PKHD1: variants seen among roughly 807,000 people sequenced by gnomAD.
The protein encoded by PKHD1 is PKHD1 ciliary IPT domain containing fibrocystin/polyductin, also known as fibrocystin.
PKHD1 carries 291 observed loss-of-function variants against 412.0 expected under a neutral mutation model. The ratio of observed to expected loss-of-function variants is 0.71; its 90% CI spans 0.64 to 0.78. The LOEUF is 0.78. Ranked by LOEUF, PKHD1 falls within the 30% of genes least tolerant of loss-of-function variation. The pLI is 0.00. For missense variants in PKHD1, 4,825 were observed against 4,950.7 expected (o/e 0.97, Z 0.76); for synonymous variants, 1,777 against 1,821.5 (o/e 0.98, Z 0.62).
chr6:51,922,035 T>C (rs1410171444), intron 37 of PKHD1, among the ~76,000 whole-genome samples: 2 of 152,230 alleles, frequency 1.3e-5, no homozygotes, highest in Admixed American at 1.3e-4. Context: ...TTTTCAGCTT[T>C]TCTGCTCTGG....
At chr6:51,918,544 A>T (rs547325987) in intron 37 of PKHD1, among the ~76,000 whole-genome samples, 148 of 152,318 alleles carry the variant, frequency 9.7e-4, no homozygotes, top group Non-Finnish European at 1.5e-3. Flanking sequence ...TTATGGCTGC[A>T]TAGTATTCCA....
chr6:51,751,979 A>G (rs1582462631), intron 57 of PKHD1, among the ~76,000 whole-genome samples: 2 of 152,160 alleles, frequency 1.3e-5, no homozygotes, highest in South Asian at 2.1e-4. Context: ...GAAGTTTAGG[A>G]TCAGGTCAGT....
intron 53 of PKHD1, among the ~76,000 whole-genome samples, chr6:51,784,344 G>T (rs1183968078): frequency 6.6e-6 from 1 of 152,168 alleles, no homozygotes; most frequent in East Asian, 1.9e-4. Flanking sequence ...ACAGCCATTT[G>T]TCCTGGTCCT....
At position 52,035,635 on chromosome 6, in the gene PKHD1, C is replaced by T. The variant is rs781516934; in HGVS notation, c.3184G>A (p.Ala1062Thr). ...TGAATTCTGCTTGAATTGCTTGTAG[C>T]GACATTGATGGCACACGAGTAAGAT... ...FGSYSCAINV[A>T]TSNSSRIQCK... Residue 1062 changes from alanine (A) to threonine (T), a missense_variant, in exon 28 of 67, where the codon GCT becomes ACT. Physicochemically the swap from Ala to Thr is moderately conservative, Grantham distance 58. Coordinates refer to ENST00000371117, the MANE Select transcript of PKHD1 (RefSeq NM_138694.4). 55 of 1,613,682 alleles carry T rather than the reference C, an allele frequency of 3.4e-5. No individual in the cohort carries two copies. The highest frequency in any genetic ancestry group is 8.3e-5 in the Admixed American group (5 of 59,974).
chr6:51,841,419 C>T (rs771461305), intron 50 of PKHD1, among the ~76,000 whole-genome samples: 1 of 152,104 alleles, frequency 6.6e-6, no homozygotes, highest in Non-Finnish European at 1.5e-5. Flanking sequence ...TCCTTTCCTT[C>T]CTTTTCTCCT....
In PKHD1 at chr6:51,747,811, T is replaced by C; in HGVS notation, c.9805A>G (p.Ile3269Val). Residue 3269 changes from isoleucine (I) to valine (V), a missense_variant, in exon 58 of 67, where the codon ATT becomes GTT. By Grantham distance (29) the Ile-to-Val change is conservative. Transcript: ENST00000371117. ...CCTTGAAGTTTCATGATTCCTGAAA[T>C]TGAATGATCATTCCTCACTTTGTGC... is the stretch of plus-strand genomic sequence containing the variant. ...PWHKVRNDHS[I>V]SGIMKLQDVT... is the part of the protein sequence containing the mutation. 1 of 1,613,908 alleles carries C rather than the reference T, an allele frequency of 6.2e-7. No homozygotes were observed.
At chr6:51,705,239 G>A (rs1779882056) in intron 60 of PKHD1, among the ~76,000 whole-genome samples, 1 of 152,028 alleles carries the variant, frequency 6.6e-6, no homozygotes, top group Admixed American at 6.6e-5. Context: ...AGGAGGATGG[G>A]ATTTTAAGAA....
In PKHD1 at chr6:51,867,994, T is replaced by A; in HGVS notation, c.7602A>T (p.Lys2534Asn). The change falls in exon 48 of 67, where the codon AAA (lysine) becomes AAT (asparagine). Residue 2534 changes from lysine to asparagine, a missense_variant. Transcript: ENST00000371117. ...LEDLDGSLSG[K>N]NRSHILASME... is the part of the protein sequence containing the mutation. ...TAGAAGCAAGAATGTGACTTCTGTTTTTCCCAGACAGAGACCCATCCAAGT... is the reference window on the plus strand; with the variant it reads ...TAGAAGCAAGAATGTGACTTCTGTTATTCCCAGACAGAGACCCATCCAAGT... 1 of 1,613,496 alleles carries A rather than the reference T, an allele frequency of 6.2e-7. No individual in the cohort carries two copies. Among genetic ancestry groups the A allele is most frequent in the Non-Finnish European group, 8.5e-7 (1 of 1,179,486 alleles).
At chr6:51,994,259 C>T (rs1379909051) in intron 35 of PKHD1, among the ~76,000 whole-genome samples, 1 of 152,064 alleles carries the variant, frequency 6.6e-6, no homozygotes, top group Non-Finnish European at 1.5e-5. Flanking sequence ...CTCAGCCTCC[C>T]GGGTAGCTGG....
intron 55 of PKHD1, among the ~76,000 whole-genome samples, chr6:51,763,584 C>G (rs1173836801): frequency 1.3e-5 from 2 of 152,114 alleles, no homozygotes; most frequent in Non-Finnish European, 2.9e-5. Context: ...ACTTTAAATT[C>G]AACATGACCT....
rs1254909885 is a variant in PKHD1 at position 51,912,381 on chromosome 6, A to C, written c.6317T>G (p.Leu2106Arg). The C allele has an allele frequency of 8.1e-6, 13 of 1,610,230 alleles. No homozygotes were observed. The highest frequency in any genetic ancestry group is 1.0e-5 in the Non-Finnish European group (12 of 1,176,660). Residue 2106 changes from leucine to arginine, a missense_variant, in exon 38 of 67, where the codon CTT (leucine) becomes CGT (arginine). Coordinates refer to ENST00000371117, the MANE Select transcript of PKHD1 (RefSeq NM_138694.4). The stretch of plus-strand genomic sequence containing the variant: ...CACTCAGTACCTCAAAGGTGACTTA[A>C]GATAGAGGTCTGTATCCTGCACAGT... ...VETVQDTDLYLKSPLRYSHNF... is the reference protein window; with the variant it reads ...VETVQDTDLYRKSPLRYSHNF...
chr6:51,925,672 G>A (rs1347329063), intron 37 of PKHD1, among the ~76,000 whole-genome samples: 5 of 152,106 alleles, frequency 3.3e-5, no homozygotes, highest in Non-Finnish European at 4.4e-5. Flanking sequence ...GGTTCTTCTT[G>A]GATATCCAGC....
intron 3 of PKHD1, 148 bp downstream of exon 3, chr6:52,083,030 G>A (rs1216133082): frequency 2.9e-6 from 2 of 685,828 alleles, no homozygotes; most frequent in South Asian, 1.6e-5. Context: ...CCAGTATCTA[G>A]AAAGACAGAA....
At chr6:51,725,280 T>C (rs1326610) in intron 60 of PKHD1, among the ~76,000 whole-genome samples, 31,235 of 152,196 alleles carry the variant, frequency 0.21, 4,214 homozygotes, top group Non-Finnish European at 0.31. Flanking sequence ...TGGATCTTTT[T>C]TAAACAGGAC....
chr6:52,016,256 C>A (rs1032089862), intron 34 of PKHD1, among the ~76,000 whole-genome samples: 3 of 152,184 alleles, frequency 2.0e-5, no homozygotes, highest in Non-Finnish European at 4.4e-5. Context: ...CACAAACTGT[C>A]TCAGGACATC....
chr6:51,642,722 C>T (rs1769532461), intron 63 of PKHD1, among the ~76,000 whole-genome samples: 1 of 152,182 alleles, frequency 6.6e-6, no homozygotes, highest in Non-Finnish European at 1.5e-5. Context: ...CACCTGTAAT[C>T]CCAGCTACTC....
chr6:51,913,398 C>T (rs1281420877), intron 37 of PKHD1, among the ~76,000 whole-genome samples: 1 of 152,048 alleles, frequency 6.6e-6, no homozygotes, highest in Non-Finnish European at 1.5e-5. Context: ...TGACCATCCC[C>T]ATACCAGCAT....
At chr6:51,926,420 C>T (rs772890423) in intron 37 of PKHD1, among the ~76,000 whole-genome samples, 1 of 151,860 alleles carries the variant, frequency 6.6e-6, no homozygotes, top group Non-Finnish European at 1.5e-5. Flanking sequence ...ATTTTTTGTT[C>T]GAATTGGGTT....
chr6:51,818,771 C>T (rs948818482), intron 52 of PKHD1, among the ~76,000 whole-genome samples: 2 of 152,074 alleles, frequency 1.3e-5, no homozygotes, highest in African/African-American at 4.8e-5. Context: ...AAAGAAGAAT[C>T]CTTTCTCCTT....
Sources: gnomAD v4.1 joint callset for allele counts (sites outside exome capture counted in the v4.1 genomes callset) on GRCh38, gnomAD v4.1.1 for gene constraint, MANE v1.5 for transcripts, NCBI Gene and HGNC (gene_info 2026-07-23, HGNC 2026-07-21) for gene names.